The following ARFGEF1 variants were observed in gnomAD, a reference collection of about 807,000 sequenced individuals.
ARFGEF1 encodes ARF guanine nucleotide exchange factor 1.
Under a neutral mutation model 231.0 loss-of-function variants are expected in ARFGEF1, and 42 were observed. The ratio of observed to expected loss-of-function variants is 0.18; its 90% CI spans 0.14 to 0.24. The LOEUF is 0.24. Ranked by LOEUF, ARFGEF1 falls within the 10% of genes least tolerant of loss-of-function variation. The pLI is 1.00. For missense variants in ARFGEF1, 1,345 were observed against 2,192.0 expected, an observed-to-expected ratio of 0.61 and a Z score of 7.72; for synonymous variants, 710 against 732.3, an observed-to-expected ratio of 0.97 and a Z score of 0.49.
chr8:67,177,605 G>A, intron 5 of ARFGEF1: 1 of 923,182 alleles, frequency 1.1e-6, no homozygotes, highest in Non-Finnish European at 1.7e-6. Flanking sequence ...AGTCAAAAAA[G>A]ATATTCTAAA....
intron 29 of ARFGEF1, among the ~76,000 whole-genome samples, chr8:67,219,776 G>A (rs770477545): frequency 1.9e-4 from 29 of 152,248 alleles, no homozygotes; most frequent in Non-Finnish European, 3.1e-4. Context: ...GGTCTTGGCT[G>A]TAAACTTTTT....
rs1470216845 is a variant in ARFGEF1, at chr8:67,190,642, C to T, written c.560+9754G>A. ...TAAGACTCCTTCTGCTTTTCGGGGT[C>T]CTCTTAGGGGCTTACGGTGAGACAT... is the stretch of plus-strand genomic sequence containing the variant. On this transcript the variant is annotated intron_variant, in intron 5 of 5. Transcript: ENST00000518789. 3 of 1,607,650 alleles carry T rather than the reference C, an allele frequency of 1.9e-6. No individual in the cohort carries two copies. The African/African-American group carries it at 4.0e-5, about 22-fold the overall frequency.
chr8:67,175,332 T>G, downstream of ARFGEF1: 1 of 1,613,394 alleles, frequency 6.2e-7, no homozygotes, highest in Non-Finnish European at 8.5e-7. Context: ...TTTATGTACC[T>G]GGATCCTCCA....
At chr8:67,308,998 T>C (rs973850687) in intron 1 of ARFGEF1, among the ~76,000 whole-genome samples, 2 of 152,186 alleles carry the variant, frequency 1.3e-5, no homozygotes, top group African/African-American at 2.4e-5. Context: ...GGAGGCAACC[T>C]AGGTGTCCAT....
At chr8:67,291,419 C>CTTT (rs58068449) in intron 6 of ARFGEF1, among the ~76,000 whole-genome samples, 32,975 of 145,434 alleles carry the variant, frequency 0.23, 4,209 homozygotes, top group East Asian at 0.37. Context: ...AATTTCAGTA[C>CTTT]TTTTTTTTTT....
At chr8:67,204,397 C>T (rs1563834419) in intron 35 of ARFGEF1, among the ~76,000 whole-genome samples, 3 of 152,148 alleles carry the variant, frequency 2.0e-5, no homozygotes, top group Admixed American at 6.5e-5. Context: ...CACCTGCTTC[C>T]CCGTGCCTCC....
intron 1 of ARFGEF1, among the ~76,000 whole-genome samples, chr8:67,307,746 C>T (rs1480900985): frequency 2.6e-5 from 4 of 152,020 alleles, no homozygotes; most frequent in East Asian, 1.9e-4. Context: ...TTTCCCAAAA[C>T]GACCACTATG....
At chr8:67,262,730 C>G (rs987718125) in intron 14 of ARFGEF1, among the ~76,000 whole-genome samples, 2 of 152,212 alleles carry the variant, frequency 1.3e-5, no homozygotes, top group African/African-American at 4.8e-5. Flanking sequence ...AGGTAAGACA[C>G]TCTACAGCAA....
In ARFGEF1 at chr8:67,251,432, T is replaced by C; in HGVS notation, c.2717A>G (p.Gln906Arg). ...TTCTAAGTTATACAGAAGTCTTCTTTGTTTTTCACTGGCTACATCTGAAAC... is the reference window on the plus strand; with the variant it reads ...TTCTAAGTTATACAGAAGTCTTCTTCGTTTTTCACTGGCTACATCTGAAAC... ...SSKQNVASEKQRRLLYNLEME... is the reference protein window; with the variant it reads ...SSKQNVASEKRRRLLYNLEME... Residue 906 changes from glutamine (Q) to arginine (R), a missense_variant, in exon 19 of 39, where the codon CAA (glutamine) becomes CGA (arginine). By Grantham distance (43) the Gln-to-Arg change is conservative. Transcript: ENST00000262215. 6.2e-7 allele frequency: 1 copy of C among 1,606,166 alleles called. No homozygotes were observed. The highest frequency in any genetic ancestry group is 1.1e-5 in the South Asian group (1 of 89,252).
intron 22 of ARFGEF1, 84 bp downstream of exon 22, chr8:67,238,256 CCTT>C: frequency 7.5e-7 from 1 of 1,337,508 alleles, no homozygotes; most frequent in Admixed American, 2.6e-5. Context: ...TTTATCTTCT[CCTT>C]CTAATTATAT....
chr8:67,333,763 G>C (rs1179703959), intron 1 of ARFGEF1, among the ~76,000 whole-genome samples: 3 of 152,204 alleles, frequency 2.0e-5, no homozygotes, highest in Non-Finnish European at 4.4e-5. Flanking sequence ...GAAGCCAGAA[G>C]TGAAAAATTC....
At chr8:67,328,868 C>T (rs191989904) in intron 1 of ARFGEF1, among the ~76,000 whole-genome samples, 148 of 152,098 alleles carry the variant, frequency 9.7e-4, no homozygotes, top group African/African-American at 3.5e-3. Flanking sequence ...AAGGAGAATC[C>T]GGTAGGAAAT....
chr8:67,195,837 AACT>A (rs1837835074), downstream of ARFGEF1: 1 of 448,732 alleles, frequency 2.2e-6, no homozygotes, highest in African/African-American at 2.0e-5. Context: ...GGTGGTAATG[AACT>A]GGATTGAACT....
chr8:67,255,434 T>C (rs1179858738), intron 17 of ARFGEF1, among the ~76,000 whole-genome samples: 1 of 152,186 alleles, frequency 6.6e-6, no homozygotes, highest in Admixed American at 6.5e-5. Context: ...AATTTTTTTT[T>C]AATCACTGAC....
intron 34 of ARFGEF1, among the ~76,000 whole-genome samples, chr8:67,211,275 C>T (rs549608123): frequency 4.4e-5 from 6 of 135,652 alleles, no homozygotes; most frequent in Admixed American, 8.3e-5. Context: ...ACCCGGGAGG[C>T]GGAGGTTGCA....
chr8:67,293,902 T>C (rs1019917691), intron 5 of ARFGEF1, among the ~76,000 whole-genome samples: 1 of 152,140 alleles, frequency 6.6e-6, no homozygotes, highest in Non-Finnish European at 1.5e-5. Context: ...CAGCTCTGAC[T>C]CTTAAATCGC....
At chr8:67,224,227 G>A (rs759398385) in intron 29 of ARFGEF1, among the ~76,000 whole-genome samples, 12 of 152,080 alleles carry the variant, frequency 7.9e-5, no homozygotes, top group Admixed American at 1.3e-4. Context: ...TTGAACTCAC[G>A]GTGGGTTTAG....
chr8:67,180,677 T>C (rs990764663), intron 5 of ARFGEF1, among the ~76,000 whole-genome samples: 1 of 152,208 alleles, frequency 6.6e-6, no homozygotes, highest in Admixed American at 6.5e-5. Context: ...TACTTGAGTT[T>C]TGCAAAATGT....
chr8:67,175,457 T>C (rs1248472947), downstream of ARFGEF1: 1 of 1,613,524 alleles, frequency 6.2e-7, no homozygotes, highest in African/African-American at 1.3e-5. Flanking sequence ...ATCATTGCTG[T>C]GTCAAATAGT....
Sources: gnomAD v4.1 joint callset for allele counts (sites outside exome capture counted in the v4.1 genomes callset) on GRCh38, gnomAD v4.1.1 for gene constraint, MANE v1.5 for transcripts, NCBI Gene and HGNC (gene_info 2026-07-23, HGNC 2026-07-21) for gene names.